Variants in CNST observed in about 807,000 individuals in gnomAD.
CNST encodes the protein consortin, connexin sorting protein.
A neutral mutation model predicts 72.4 loss-of-function variants in CNST; 39 were observed. That is an observed-to-expected ratio of 0.54 (90% CI 0.42 to 0.70). CNST has a LOEUF of 0.70. CNST is among the 30% of genes least tolerant of loss of function. CNST has a pLI of 0.00. For missense variants in CNST, 871 were observed against 868.5 expected, an observed-to-expected ratio of 1.00 and a Z score of -0.04; for synonymous variants, 332 against 320.1, an observed-to-expected ratio of 1.04 and a Z score of -0.40.
At chr1:246,624,811 G>A (rs188265255) in intron 3 of CNST, among the ~76,000 whole-genome samples, 16 of 152,266 alleles carry the variant, frequency 1.1e-4, no homozygotes, top group Admixed American at 8.5e-4. Flanking sequence ...GTGCCACTGC[G>A]CCCAGCTAAT....
At position 246,635,526 on chromosome 1, in the gene CNST, G is replaced by A. The variant is rs906803695; in HGVS notation, c.818+939G>A. Among the ~76,000 whole-genome samples the A allele has an allele frequency of 7.9e-5, 12 of 152,222 alleles. No individual in the cohort carries two copies. In the East Asian group the frequency reaches 9.7e-4, roughly 12 times the overall value. On this transcript the variant is annotated intron_variant, in intron 6 of 10. Transcript: ENST00000366513. Reference sequence around the variant, plus strand: ...GATGTTTGAAGCGATTTCTAGAACCGCTTTTCCATTATCGTCTATGTTAAG... The same window carrying A: ...GATGTTTGAAGCGATTTCTAGAACCACTTTTCCATTATCGTCTATGTTAAG...
At chr1:246,635,913 G>T (rs989731258) in intron 6 of CNST, among the ~76,000 whole-genome samples, 1 of 152,164 alleles carries the variant, frequency 6.6e-6, no homozygotes, top group African/African-American at 2.4e-5. Flanking sequence ...CGAGGGTGTT[G>T]CCCGCCTGCT....
chr1:246,582,495 C>T (rs975210958), intron 1 of CNST, among the ~76,000 whole-genome samples: 20 of 151,974 alleles, frequency 1.3e-4, no homozygotes, highest in African/African-American at 3.1e-4. Flanking sequence ...ATTACAGGCA[C>T]GAGCCACTGA....
intron 9 of CNST, among the ~76,000 whole-genome samples, chr1:246,655,279 C>CA (rs1282746205): frequency 6.6e-6 from 1 of 152,138 alleles, no homozygotes; most frequent in Non-Finnish European, 1.5e-5. Flanking sequence ...TGATGTACTT[C>CA]ATCATCATGC....
intron 9 of CNST, 129 bp downstream of exon 9, chr1:246,648,166 A>G: frequency 7.0e-7 from 1 of 1,436,588 alleles, no homozygotes; most frequent in South Asian, 1.6e-5. Flanking sequence ...AGTTAACGTA[A>G]GCTTTTAATT....
rs1665026681 is a variant in CNST at position 246,634,599 on chromosome 1, A to C, written c.818+12A>C. On this transcript the variant is annotated intron_variant, in intron 6 of 10. Coordinates refer to ENST00000366513, the MANE Select transcript of CNST (RefSeq NM_152609.3). ...GCAACACATCAAGAGTAAGTATATC[A>C]GAATTTCGTTAGAATGAGTTGGAGT... The C allele has an allele frequency of 7.0e-7, 1 of 1,433,194 alleles. No homozygotes were observed. The highest frequency in any genetic ancestry group is 9.7e-7 in the Non-Finnish European group (1 of 1,033,598). 88.8% of individuals were successfully genotyped at this position (1,433,194 alleles called of 1,614,324 possible). A position where few individuals can be genotyped will look rare whatever the true frequency, so the allele number is the denominator to read the frequency against.
intron 2 of CNST, among the ~76,000 whole-genome samples, chr1:246,593,172 A>G (rs1661659741): frequency 1.3e-5 from 2 of 152,324 alleles, no homozygotes; most frequent in Admixed American, 6.5e-5. Context: ...TACAAAATCC[A>G]TATTTATTCA....
intron 1 of CNST, among the ~76,000 whole-genome samples, chr1:246,588,718 A>T (rs1355103583): frequency 6.6e-6 from 1 of 152,200 alleles, no homozygotes; most frequent in African/African-American, 2.4e-5. Flanking sequence ...AGAATTAATA[A>T]ATTCTTTTAT....
At chr1:246,605,325 C>T (rs1007271089) in intron 2 of CNST, among the ~76,000 whole-genome samples, 2 of 152,210 alleles carry the variant, frequency 1.3e-5, no homozygotes, top group Non-Finnish European at 2.9e-5. Context: ...CTTATAATCC[C>T]AGCATTTTGG....
intron 9 of CNST, among the ~76,000 whole-genome samples, chr1:246,655,593 A>T (rs1405760712): frequency 2.0e-5 from 3 of 152,166 alleles, no homozygotes; most frequent in Non-Finnish European, 4.4e-5. Flanking sequence ...TAAGATAAGA[A>T]TTTTTGCTAG....
In CNST at chr1:246,665,765, G is replaced by A. The variant is rs763052618; in HGVS notation, c.2038G>A (p.Val680Ile). 1.9e-6 allele frequency: 3 copies of A among 1,613,838 alleles called. No individual in the cohort carries two copies. Among genetic ancestry groups the A allele is most frequent in the East Asian group, 4.5e-5 (2 of 44,880 alleles). The change falls in exon 11 of 11, where the codon GTT (valine) becomes ATT (isoleucine). Residue 680 changes from valine (V) to isoleucine (I), a missense_variant. Physicochemically the swap from Val to Ile is conservative, Grantham distance 29 (BLOSUM62 3). Transcript: ENST00000366513. ...LLCIATVFLS[V>I]GGTALYCTFG... is the part of the protein sequence containing the mutation. The stretch of plus-strand genomic sequence containing the variant: ...GTGCATAGCAACGGTTTTCCTCAGT[G>A]TTGGAGGAACTGCATTATACTGCAC...
chr1:246,619,919 G>A (rs572709231), intron 2 of CNST, among the ~76,000 whole-genome samples: 13 of 140,566 alleles, frequency 9.2e-5, no homozygotes, highest in Non-Finnish European at 3.1e-5. Flanking sequence ...GCATACACAC[G>A]ATGGGCTCTG....
chr1:246,642,906 G>A (rs1333020034), intron 8 of CNST, among the ~76,000 whole-genome samples: 1 of 76,606 alleles, frequency 1.3e-5, no homozygotes, highest in East Asian at 3.8e-4. Flanking sequence ...CCCCTTTTTT[G>A]TTTGAGACAG....
At chr1:246,601,621 C>T (rs376114420) in intron 2 of CNST, among the ~76,000 whole-genome samples, 1 of 151,740 alleles carries the variant, frequency 6.6e-6, no homozygotes, top group Non-Finnish European at 1.5e-5. Flanking sequence ...ATGGAGAAAC[C>T]CCATCTCTAC....
chr1:246,611,713 G>A (rs1311056943), intron 2 of CNST, among the ~76,000 whole-genome samples: 1 of 152,152 alleles, frequency 6.6e-6, no homozygotes, highest in Non-Finnish European at 1.5e-5. Context: ...ATTTAATCCA[G>A]CCATTAACTT....
intron 6 of CNST, among the ~76,000 whole-genome samples, chr1:246,639,919 A>T (rs1401124608): frequency 6.6e-6 from 1 of 150,470 alleles, no homozygotes; most frequent in African/African-American, 2.4e-5. Flanking sequence ...GCTATGTGGT[A>T]CCCGGATGGC....
intron 3 of CNST, among the ~76,000 whole-genome samples, chr1:246,622,758 A>G (rs892695492): frequency 2.0e-4 from 31 of 151,968 alleles, no homozygotes; most frequent in East Asian, 3.9e-4. Context: ...TTTTTTTTAC[A>G]TAAGAGCTAA....
chr1:246,633,958 AT>A lies in CNST; in HGVS notation c.653del (p.Leu218CysfsTer32). The stretch of plus-strand genomic sequence containing the variant: ...CAATGAAATTCATTCAGCTAGAACG[AT>A]TGTATCATGAGCAATTGCTCGCAAA... The part of the protein sequence containing the change: ...KAMKFIQLER[L>X]YHEQLLANLS... On this transcript the variant is annotated frameshift_variant, in exon 5 of 11. Transcript: ENST00000366513. LOFTEE classifies it high-confidence loss of function. The A allele has an allele frequency of 6.2e-7, 1 of 1,613,236 alleles. No homozygotes were observed. Among genetic ancestry groups the A allele is most frequent in the Non-Finnish European group, 8.5e-7 (1 of 1,179,210 alleles).
chr1:246,615,231 A>G (rs1013343619), intron 2 of CNST, among the ~76,000 whole-genome samples: 2 of 152,130 alleles, frequency 1.3e-5, no homozygotes, highest in African/African-American at 4.8e-5. Flanking sequence ...GCTGGAGCGC[A>G]GTGGCGCGAT....
Sources: gnomAD v4.1 joint callset for allele counts (sites outside exome capture counted in the v4.1 genomes callset) on GRCh38, gnomAD v4.1.1 for gene constraint, MANE v1.5 for transcripts, NCBI Gene and HGNC (gene_info 2026-07-23, HGNC 2026-07-21) for gene names.